Variants in CDRT4 observed in about 807,000 individuals in gnomAD.
The protein encoded by CDRT4 is CMT1A duplicated region transcript 4.
For missense variants in CDRT4, 167 were observed against 193.1 expected (o/e 0.87, Z 0.80); for synonymous variants, 64 against 69.6 (o/e 0.92, Z 0.40).
intron 1 of CDRT4, among the ~76,000 whole-genome samples, chr17:15,457,796 C>T (rs1029552329): frequency 1.3e-5 from 2 of 152,178 alleles, no homozygotes; most frequent in African/African-American, 2.4e-5. Context: ...ATGCTCCACA[C>T]GCTGCCAAGA....
At chr17:15,460,671 C>A (rs1323426739) in intron 1 of CDRT4, among the ~76,000 whole-genome samples, 3 of 152,292 alleles carry the variant, frequency 2.0e-5, no homozygotes, top group East Asian at 1.9e-4. Context: ...CTCCCTGCTC[C>A]CACACTTGCC....
At chr17:15,455,388 G>A (rs1979443067) in intron 1 of CDRT4, among the ~76,000 whole-genome samples, 1 of 152,198 alleles carries the variant, frequency 6.6e-6, no homozygotes, top group South Asian at 2.1e-4. Flanking sequence ...GAGCCAATAG[G>A]ATGAATGGCA....
chr17:15,465,656 C>T (rs138380659), intron 1 of CDRT4, among the ~76,000 whole-genome samples: 10 of 152,162 alleles, frequency 6.6e-5, no homozygotes, highest in African/African-American at 2.2e-4. Context: ...CAGACACACA[C>T]GCACAAAGAT....
At position 15,453,043 on chromosome 17, in the gene CDRT4, ACT is replaced by A. The variant is rs902987464; in HGVS notation, c.-89_-88del. 8.6e-5 allele frequency: 13 copies of A among 151,454 alleles called. No homozygotes were observed. Among genetic ancestry groups the A allele is most frequent in the African/African-American group, 3.2e-4 (13 of 41,138 alleles). The allele number at this position is 151,454 out of a possible 1,614,324, so 9.4% of individuals were successfully genotyped here. A position where few individuals can be genotyped will look rare whatever the true frequency, so the allele number is the denominator to read the frequency against. On this transcript the variant is annotated 5_prime_UTR_variant, in exon 2 of 4. The change abolishes the stop of an existing upstream ORF in the 5' untranslated region. Transcript: ENST00000619038. ...TGCCTTCCTCTTCTCCCAGCTGAAA[ACT>A]CTCTCTTAAAGTTCCTGGTGCAGCT...
chr17:15,457,649 G>A (rs1231676739), intron 1 of CDRT4, among the ~76,000 whole-genome samples: 1 of 152,208 alleles, frequency 6.6e-6, no homozygotes, highest in Non-Finnish European at 1.5e-5. Flanking sequence ...ATTGTTCAAA[G>A]TAAACACTGG....
chr17:15,448,669 C>A (rs1302795508), intron 2 of CDRT4, among the ~76,000 whole-genome samples: 3 of 152,194 alleles, frequency 2.0e-5, no homozygotes, highest in Non-Finnish European at 4.4e-5. Flanking sequence ...AGCCTGGAGG[C>A]AGTCACTTTC....
intron 3 of CDRT4, chr17:15,439,279 A>C (rs1437508176): frequency 4.7e-6 from 2 of 422,616 alleles, no homozygotes; most frequent in African/African-American, 4.2e-5. Context: ...CAGTTAAAAA[A>C]AAAAATGCCG....
intron 1 of CDRT4, among the ~76,000 whole-genome samples, chr17:15,465,269 C>T (rs1193928069): frequency 7.3e-6 from 1 of 136,288 alleles, no homozygotes; most frequent in Non-Finnish European, 1.5e-5. Flanking sequence ...ACAACACACA[C>T]ACCAACACAA....
intron 2 of CDRT4, among the ~76,000 whole-genome samples, chr17:15,442,011 A>C (rs1316379937): frequency 6.6e-6 from 1 of 152,178 alleles, no homozygotes; most frequent in Non-Finnish European, 1.5e-5. Context: ...CACCCATTCC[A>C]AGTCCCCCAT....
intron 1 of CDRT4, among the ~76,000 whole-genome samples, chr17:15,454,925 G>C (rs1376414459): frequency 6.6e-6 from 1 of 152,132 alleles, no homozygotes; most frequent in African/African-American, 2.4e-5. Context: ...TGATCCATAA[G>C]GAGCTTTGTA....
chr17:15,448,852 C>T (rs1314599062), intron 2 of CDRT4, among the ~76,000 whole-genome samples: 1 of 152,208 alleles, frequency 6.6e-6, no homozygotes, highest in African/African-American at 2.4e-5. Context: ...TCCTCCTTTG[C>T]GCTGTTCCCT....
intron 2 of CDRT4, 32 bp downstream of exon 2, chr17:15,452,971 TG>T (rs1266005348): frequency 6.6e-6 from 1 of 152,224 alleles, no homozygotes; most frequent in East Asian, 1.9e-4. Context: ...AAGGATAGAC[TG>T]TGGTCAAAAC....
At chr17:15,462,931 G>C (rs898100689) in intron 1 of CDRT4, among the ~76,000 whole-genome samples, 4 of 152,296 alleles carry the variant, frequency 2.6e-5, no homozygotes, top group Admixed American at 2.6e-4. Flanking sequence ...CAAGATGTAA[G>C]CTGTATGCCT....
At chr17:15,441,449 C>T (rs1226608501) in intron 2 of CDRT4, among the ~76,000 whole-genome samples, 1 of 152,178 alleles carries the variant, frequency 6.6e-6, no homozygotes, top group Non-Finnish European at 1.5e-5. Flanking sequence ...TCATACTCTG[C>T]GTAGCCCTGG....
intron 1 of CDRT4, among the ~76,000 whole-genome samples, chr17:15,461,297 C>T (rs142183277): frequency 2.0e-5 from 3 of 152,280 alleles, no homozygotes; most frequent in Middle Eastern, 3.4e-3. Context: ...GATAGCAAGG[C>T]GAAGGCAGCA....
At chr17:15,459,254 G>A (rs1474409413) in intron 1 of CDRT4, among the ~76,000 whole-genome samples, 2 of 151,978 alleles carry the variant, frequency 1.3e-5, no homozygotes, top group East Asian at 3.9e-4. Flanking sequence ...CAAGACAAAT[G>A]GAGCTTCTTT....
intron 2 of CDRT4, among the ~76,000 whole-genome samples, chr17:15,448,695 C>T (rs1406299269): frequency 6.6e-6 from 1 of 152,126 alleles, no homozygotes; most frequent in Non-Finnish European, 1.5e-5. Flanking sequence ...CCACTACTGC[C>T]ATCCTCAAAC....
chr17:15,437,542 G>T lies in CDRT4; in HGVS notation c.*231C>A. On this transcript the variant is annotated 3_prime_UTR_variant, in exon 4 of 4. Transcript: ENST00000619038. ...AATCTGCAGCAGAGACTAGAGCCAG[G>T]GACTGCCCAAACCCACCAGAGAGCA... 1.7e-6 allele frequency: 1 copy of T among 574,266 alleles called. No individual in the cohort carries two copies. The highest frequency in any genetic ancestry group is 2.3e-5 in the South Asian group (1 of 44,114). The allele number at this position is 574,266 out of a possible 1,614,324, so 35.6% of individuals were successfully genotyped here. A position where few individuals can be genotyped will look rare whatever the true frequency, so the allele number is the denominator to read the frequency against.
In CDRT4 at chr17:15,436,045, G is replaced by A. The variant is rs1263225303; in HGVS notation, c.*1728C>T. ...AAATTATTGGAGGAATTTATTGCCT[G>A]CCTCCATGTCTATAAACGTTCCATG... On this transcript the variant is annotated 3_prime_UTR_variant, in exon 4 of 4. Transcript: ENST00000619038. 1 of 152,120 alleles carries A rather than the reference G, an allele frequency of 6.6e-6. No individual in the cohort carries two copies. Among genetic ancestry groups the A allele is most frequent in the Non-Finnish European group, 1.5e-5 (1 of 68,026 alleles). 9.4% of individuals were successfully genotyped at this position (152,120 alleles called of 1,614,324 possible). A position where few individuals can be genotyped will look rare whatever the true frequency, so the allele number is the denominator to read the frequency against.
Sources: allele counts gnomAD v4.1 joint callset (sites outside exome capture counted in the v4.1 genomes callset), GRCh38; gene constraint gnomAD v4.1.1; transcripts MANE v1.5; gene names NCBI Gene and HGNC (gene_info 2026-07-23, HGNC 2026-07-21).